Variants in AGBL4 observed in about 807,000 individuals in gnomAD.
AGBL4 encodes the protein AGBL carboxypeptidase 4, also known as cytosolic carboxypeptidase 6.
AGBL4 carries 58 observed loss-of-function variants against 66.4 expected under a neutral mutation model. The observed-to-expected ratio is 0.87, with a 90% CI of 0.71 to 1.09. AGBL4 has a LOEUF of 1.09. AGBL4 is among the 50% of genes least tolerant of loss of function. The pLI is 0.00. For synonymous variants in AGBL4, 234 were observed against 222.9 expected, an observed-to-expected ratio of 1.05 and a Z score of -0.44; for missense variants, 579 against 631.0, an observed-to-expected ratio of 0.92 and a Z score of 0.88.
chr1:49,462,882 T>A (rs1207833180), intron 3 of AGBL4, among the ~76,000 whole-genome samples: 3 of 151,736 alleles, frequency 2.0e-5, no homozygotes, highest in Non-Finnish European at 4.4e-5. Flanking sequence ...CGGAGGTTTA[T>A]GGCAATAAGG....
At chr1:49,898,349 T>C (rs1649425022) in intron 1 of AGBL4, among the ~76,000 whole-genome samples, 2 of 151,954 alleles carry the variant, frequency 1.3e-5, no homozygotes, top group African/African-American at 2.4e-5. Flanking sequence ...AAATGACAAG[T>C]AGGCATAAGA....
chr1:48,773,349 C>T (rs966239835), intron 6 of AGBL4, among the ~76,000 whole-genome samples: 3 of 152,110 alleles, frequency 2.0e-5, no homozygotes, highest in Non-Finnish European at 4.4e-5. Flanking sequence ...ACTTTCACAA[C>T]CTGCTTGGCA....
At chr1:49,847,543 C>A (rs753732972) in intron 2 of AGBL4, among the ~76,000 whole-genome samples, 12 of 151,886 alleles carry the variant, frequency 7.9e-5, no homozygotes, top group Non-Finnish European at 1.3e-4. Flanking sequence ...AAATTTTATC[C>A]AATTTTTACA....
chr1:49,568,108 T>C (rs1292959392), intron 3 of AGBL4, among the ~76,000 whole-genome samples: 1 of 151,518 alleles, frequency 6.6e-6, no homozygotes. Context: ...TACCTCTCAT[T>C]CCCCCTAGAT....
chr1:49,027,504 G>A (rs1663812686), intron 5 of AGBL4, among the ~76,000 whole-genome samples: 1 of 152,034 alleles, frequency 6.6e-6, no homozygotes, highest in South Asian at 2.1e-4. Context: ...GTCATTTAAA[G>A]CCATTTGAAC....
chr1:49,474,254 C>T (rs1646804995), intron 3 of AGBL4, among the ~76,000 whole-genome samples: 1 of 151,956 alleles, frequency 6.6e-6, no homozygotes, highest in Admixed American at 6.6e-5. Context: ...TTCTTCCAAC[C>T]TATGTATGTG....
intron 3 of AGBL4, among the ~76,000 whole-genome samples, chr1:49,536,929 C>G (rs755101853): frequency 6.6e-6 from 1 of 151,944 alleles, no homozygotes; most frequent in Non-Finnish European, 1.5e-5. Flanking sequence ...ATCACTTAAA[C>G]CCGGGAGCTG....
chr1:49,616,065 C>T (rs1348126693), intron 3 of AGBL4, among the ~76,000 whole-genome samples: 4 of 152,202 alleles, frequency 2.6e-5, no homozygotes, highest in South Asian at 2.1e-4. Context: ...TGCTCTTTCT[C>T]GAGGAGAAAA....
intron 1 of AGBL4, among the ~76,000 whole-genome samples, chr1:49,880,683 T>C (rs1166367504): frequency 2.0e-5 from 3 of 152,172 alleles, no homozygotes; most frequent in African/African-American, 7.2e-5. Flanking sequence ...TGTGGTGGGC[T>C]CCACCCAGTT....
chr1:49,354,533 C>T (rs1158053382), intron 3 of AGBL4, among the ~76,000 whole-genome samples: 1 of 152,196 alleles, frequency 6.6e-6, no homozygotes, highest in Non-Finnish European at 1.5e-5. Flanking sequence ...TCTCTATCTA[C>T]ACTTGCTTTC....
chr1:49,877,929 T>A (rs964710201), intron 1 of AGBL4, among the ~76,000 whole-genome samples: 2 of 152,142 alleles, frequency 1.3e-5, no homozygotes, highest in African/African-American at 4.8e-5. Flanking sequence ...TCTTCTAGAT[T>A]TTCTAGTTTA....
intron 4 of AGBL4, among the ~76,000 whole-genome samples, chr1:49,057,739 G>A (rs1644332698): frequency 6.6e-6 from 1 of 151,822 alleles, no homozygotes; most frequent in African/African-American, 2.4e-5. Flanking sequence ...CATGTGTGGT[G>A]CTTGTTTGTT....
At chr1:49,430,617 G>A (rs1645764642) in intron 3 of AGBL4, among the ~76,000 whole-genome samples, 1 of 152,172 alleles carries the variant, frequency 6.6e-6, no homozygotes, top group South Asian at 2.1e-4. Flanking sequence ...AGGTATAGAA[G>A]TAAACATACT....
chr1:49,693,421 T>A (rs903012167), intron 3 of AGBL4, among the ~76,000 whole-genome samples: 1 of 152,158 alleles, frequency 6.6e-6, no homozygotes, highest in Admixed American at 6.5e-5. Context: ...GCCATATTTA[T>A]CAAACTTTTG....
chr1:49,138,081 A>G (rs181615070), intron 4 of AGBL4, among the ~76,000 whole-genome samples: 178 of 152,272 alleles, frequency 1.2e-3, no homozygotes, highest in African/African-American at 4.1e-3. Context: ...CTGGGAAACA[A>G]TCAAGTAGTT....
intron 10 of AGBL4, among the ~76,000 whole-genome samples, chr1:48,587,601 C>A (rs1254914382): frequency 1.3e-5 from 2 of 150,700 alleles, no homozygotes; most frequent in Non-Finnish European, 3.0e-5. Context: ...TGTCTCTATT[C>A]TTTTTATTAT....
intron 6 of AGBL4, among the ~76,000 whole-genome samples, chr1:48,809,366 C>T (rs971870413): frequency 6.6e-6 from 1 of 152,172 alleles, no homozygotes; most frequent in Non-Finnish European, 1.5e-5. Context: ...ATATTATAAA[C>T]AGGCAGCACC....
intron 3 of AGBL4, among the ~76,000 whole-genome samples, chr1:49,436,747 G>A (rs1411190256): frequency 1.3e-5 from 2 of 152,028 alleles, no homozygotes. Flanking sequence ...TAGTTCCGAC[G>A]ACAGCTTATT....
intron 6 of AGBL4, among the ~76,000 whole-genome samples, chr1:48,770,732 G>A (rs534502913): frequency 1.1e-4 from 17 of 152,156 alleles, no homozygotes; most frequent in Admixed American, 3.3e-4. Flanking sequence ...CACTTCCAGG[G>A]TTCTCCTCGA....
Sources: allele counts gnomAD v4.1 joint callset (sites outside exome capture counted in the v4.1 genomes callset), GRCh38; gene constraint gnomAD v4.1.1; transcripts MANE v1.5; gene names NCBI Gene and HGNC (gene_info 2026-07-23, HGNC 2026-07-21).